The following OR51I2 variants were observed in gnomAD, a reference collection of about 807,000 sequenced individuals.
The protein encoded by OR51I2 is olfactory receptor family 51 subfamily I member 2.
In OR51I2, 6 loss-of-function variants were observed where a neutral mutation model predicts 9.3. That is an observed-to-expected ratio of 0.64 (90% CI 0.35 to 1.27). The LOEUF (loss-of-function observed/expected upper bound fraction) is 1.27. Among genes scored for constraint, OR51I2 ranks in the 50% most tolerant of loss-of-function variants. The pLI, the probability that OR51I2 is intolerant of heterozygous loss-of-function variation, is 0.03. For synonymous variants in OR51I2, 179 were observed against 143.1 expected (o/e 1.25, Z -1.79); for missense variants, 489 against 396.4 (o/e 1.23, Z -1.98).
At position 5,455,767 on chromosome 11, in the gene OR51I2, G is replaced by A. The variant is rs1850948984; in HGVS notation, c.*1340G>A. 6.6e-6 allele frequency: 1 copy of A among 152,098 alleles called. No homozygotes were observed. The highest frequency in any genetic ancestry group is 1.5e-5 in the Non-Finnish European group (1 of 68,000). 9.4% of individuals were successfully genotyped at this position (152,098 alleles called of 1,614,324 possible). A position where few individuals can be genotyped will look rare whatever the true frequency, so the allele number is the denominator to read the frequency against. Reference sequence around the variant, plus strand: ...TACCAACAAGAGAGAGAGTCAGAAAGAGGGAGCTATTTTAAAAATGAGATA... The same window carrying A: ...TACCAACAAGAGAGAGAGTCAGAAAAAGGGAGCTATTTTAAAAATGAGATA... On this transcript the variant is annotated 3_prime_UTR_variant, in exon 2 of 2. Coordinates refer to ENST00000641930, the MANE Select transcript of OR51I2 (RefSeq NM_001004754.3).
At chr11:5,450,023 TTTGC>T (rs1161488681) in intron 1 of OR51I2, among the ~76,000 whole-genome samples, 1 of 152,172 alleles carries the variant, frequency 6.6e-6, no homozygotes, top group East Asian at 1.9e-4. Flanking sequence ...ACAGGCATTC[TTTGC>T]TTGATTAAAA....
chr11:5,453,026 T>C (rs1590003667), intron 1 of OR51I2, among the ~76,000 whole-genome samples: 1 of 152,208 alleles, frequency 6.6e-6, no homozygotes. Flanking sequence ...TAATTTGTGA[T>C]ACATATGAAT....
rs1363083176 is a variant in OR51I2, at chr11:5,454,363, A to G, written c.875A>G (p.Tyr292Cys). The G allele has an allele frequency of 6.2e-7, 1 of 1,613,790 alleles. No individual in the cohort carries two copies. The highest frequency in any genetic ancestry group is 1.3e-5 in the African/African-American group (1 of 74,900). Residue 292 changes from tyrosine to cysteine, a missense_variant, in exon 2 of 2, where the codon TAT becomes TGT. Physicochemically the swap from Tyr to Cys is radical, Grantham distance 194. Transcript: ENST00000641930. ...FVPPVLNPLI[Y>C]SAKTKEIRRA... is the part of the protein sequence containing the mutation. ...CCTCCTGTGCTCAACCCTCTCATTT[A>G]TAGCGCCAAGACAAAGGAAATCCGC...
rs142517826 is a variant in OR51I2, at chr11:5,450,883, T to C, written c.-231+1519T>C. On this transcript the variant is annotated intron_variant, in intron 1 of 1. Coordinates refer to ENST00000641930, the MANE Select transcript of OR51I2 (RefSeq NM_001004754.3). Reference sequence around the variant, plus strand: ...TGGCTTCCAGCCTCATCCATGTCCCTGCAAAGGACATGACCTGCATGCTCT... The same window carrying C: ...TGGCTTCCAGCCTCATCCATGTCCCCGCAAAGGACATGACCTGCATGCTCT... Among the ~76,000 whole-genome samples the C allele has an allele frequency of 4.0e-3, 614 of 152,110 alleles. 2 individuals are homozygous for C. The highest frequency in any genetic ancestry group is 7.3e-3 in the Non-Finnish European group (494 of 67,986).
rs1850924299 is a variant in OR51I2, at chr11:5,454,588, T to A, written c.*161T>A. Reference sequence around the variant, plus strand: ...ATAACACAAAACAAGGAGTTCCAAATGAATAGTACATTCACTAAATACCAA... The same window carrying A: ...ATAACACAAAACAAGGAGTTCCAAAAGAATAGTACATTCACTAAATACCAA... On this transcript the variant is annotated 3_prime_UTR_variant, in exon 2 of 2. Transcript: ENST00000641930. 5.1e-6 allele frequency: 3 copies of A among 589,972 alleles called. No individual in the cohort carries two copies. Among genetic ancestry groups the A allele is most frequent in the Non-Finnish European group, 8.9e-6 (3 of 337,036 alleles). The allele number at this position is 589,972 out of a possible 1,614,324, so 36.5% of individuals were successfully genotyped here.
chr11:5,454,425 T>C lies in OR51I2; in HGVS notation c.937T>C (p.Ter313ArgextTer18), dbSNP rs1418822104. ...CCGCATGTTTCACCACATCAAAATA[T>C]GACTTTCACACTTGGCTTTAGAATC... ...IFRMFHHIKI[*>R] The change falls in exon 2 of 2, where the codon TGA (stop) becomes CGA (arginine). Residue 313 changes from the stop codon to arginine (R), a stop_lost. Coordinates refer to ENST00000641930, the MANE Select transcript of OR51I2 (RefSeq NM_001004754.3). 9 of 1,601,664 alleles carry C rather than the reference T, an allele frequency of 5.6e-6. No individual in the cohort carries two copies. The highest frequency in any genetic ancestry group is 1.1e-5 in the South Asian group (1 of 90,404).
At chr11:5,449,507 T>C (rs1023807423) in intron 1 of OR51I2, 143 bp downstream of exon 1, 5 of 152,444 alleles carry the variant, frequency 3.3e-5, no homozygotes, top group Non-Finnish European at 1.5e-5. Context: ...CTTAGTAGAA[T>C]GAGCAAAGGA....
chr11:5,449,637 T>TTCAAAGG (rs1264886188), intron 1 of OR51I2, among the ~76,000 whole-genome samples: 26 of 152,270 alleles, frequency 1.7e-4, no homozygotes, highest in African/African-American at 6.3e-4. Flanking sequence ...GACTCCAAGT[T>TTCAAAGG]TCAAAGGTCA....
chr11:5,452,593 A>G (rs1850873533), intron 1 of OR51I2, among the ~76,000 whole-genome samples: 1 of 148,070 alleles, frequency 6.8e-6, no homozygotes, highest in Admixed American at 6.8e-5. Flanking sequence ...CGACTTTACG[A>G]GATATGGAGA....
At position 5,454,289 on chromosome 11, in the gene OR51I2, T is replaced by A. The variant is rs900376503; in HGVS notation, c.801T>A (p.His267Gln). The A allele has an allele frequency of 6.2e-7, 1 of 1,614,110 alleles. No homozygotes were observed. Among genetic ancestry groups the A allele is most frequent in the Non-Finnish European group, 8.5e-7 (1 of 1,180,026 alleles). The stretch of plus-strand genomic sequence containing the variant: ...CCACAGTGCACCGCTTTGGGAAGCA[T>A]GTCCCATGCTACATACATGTCCTCA... Reference protein sequence around the residue: ...GVSTVHRFGKHVPCYIHVLMS... With the variant: ...GVSTVHRFGKQVPCYIHVLMS... The change falls in exon 2 of 2, where the codon CAT (histidine) becomes CAA (glutamine). Residue 267 changes from histidine to glutamine, a missense_variant. By Grantham distance (24) the His-to-Gln change is conservative. Coordinates refer to ENST00000641930, the MANE Select transcript of OR51I2 (RefSeq NM_001004754.3).
At chr11:5,449,722 G>A (rs1446733093) in intron 1 of OR51I2, among the ~76,000 whole-genome samples, 1 of 152,160 alleles carries the variant, frequency 6.6e-6, no homozygotes, top group Non-Finnish European at 1.5e-5. Context: ...AACGGTTCGG[G>A]AATCTAGAAG....
chr11:5,450,316 G>C (rs972115563), intron 1 of OR51I2, among the ~76,000 whole-genome samples: 2 of 152,142 alleles, frequency 1.3e-5, no homozygotes, highest in Non-Finnish European at 2.9e-5. Context: ...CTGAACCTGG[G>C]AGACAGAGGT....
At position 5,453,881 on chromosome 11, in the gene OR51I2, C is replaced by T. The variant is rs1850901959; in HGVS notation, c.393C>T (p.Arg131=). 2 of 1,614,206 alleles carry T rather than the reference C, an allele frequency of 1.2e-6. No homozygotes were observed. The highest frequency in any genetic ancestry group is 1.3e-5 in the African/African-American group (1 of 75,046). The change falls in exon 2 of 2, where the codon CGC becomes CGT. Residue 131 remains arginine (R), a synonymous_variant. Coordinates refer to ENST00000641930, the MANE Select transcript of OR51I2 (RefSeq NM_001004754.3). ...ATGTGGCCATTTGTGACCCCTTGCG[C>T]TATGCAACTGTGCTCACCACTGAAG... The part of the protein sequence containing the change: ...DRYVAICDPL[R]YATVLTTEVI...
In OR51I2 at chr11:5,453,498, T is replaced by A; in HGVS notation, c.10T>A (p.Phe4Ile). The A allele has an allele frequency of 6.5e-7, 1 of 1,549,418 alleles. No homozygotes were observed. The highest frequency in any genetic ancestry group is 2.3e-5 in the East Asian group (1 of 44,404). MGL[F>I]NVTHPAFFLL... ...CTAAGTTTGTTTTGCTATGGGGTTG[T>A]TCAATGTCACTCACCCTGCATTCTT... is the stretch of plus-strand genomic sequence containing the variant. Residue 4 changes from phenylalanine (F) to isoleucine (I), a missense_variant, in exon 2 of 2, where the codon TTC becomes ATC. Coordinates refer to ENST00000641930, the MANE Select transcript of OR51I2 (RefSeq NM_001004754.3).
At position 5,456,307 on chromosome 11, in the gene OR51I2, A is replaced by G. The variant is rs1421151715; in HGVS notation, c.*1880A>G. On this transcript the variant is annotated 3_prime_UTR_variant, in exon 2 of 2. Transcript: ENST00000641930. Reference sequence around the variant, plus strand: ...CACCTTCCTTTTTTCAGCATTAATTAAAAGAGCTACTGATTTTCAGGTTCT... The same window carrying G: ...CACCTTCCTTTTTTCAGCATTAATTGAAAGAGCTACTGATTTTCAGGTTCT... 1 of 152,164 alleles carries G rather than the reference A, an allele frequency of 6.6e-6. No homozygotes were observed. Among genetic ancestry groups the G allele is most frequent in the Non-Finnish European group, 1.5e-5 (1 of 68,036 alleles). The allele number at this position is 152,164 out of a possible 1,614,324, so 9.4% of individuals were successfully genotyped here.
chr11:5,450,204 T>C (rs184001207), intron 1 of OR51I2, among the ~76,000 whole-genome samples: 2 of 151,868 alleles, frequency 1.3e-5, no homozygotes, highest in East Asian at 1.9e-4. Context: ...GCCTGGCCAA[T>C]ATGGTGAAAC....
intron 1 of OR51I2, among the ~76,000 whole-genome samples, chr11:5,449,664 T>C (rs558685671): frequency 1.3e-5 from 2 of 152,298 alleles, no homozygotes; most frequent in East Asian, 3.9e-4. Context: ...CTGTGGCTCA[T>C]TAACATTGCT....
In OR51I2 at chr11:5,455,522, G is replaced by C. The variant is rs1264914514; in HGVS notation, c.*1095G>C. On this transcript the variant is annotated 3_prime_UTR_variant, in exon 2 of 2. Coordinates refer to ENST00000641930, the MANE Select transcript of OR51I2 (RefSeq NM_001004754.3). ...TGTCATACTAAGTTTAGATCTACTT[G>C]TAGATCAAAAGAGAGCGAGGGATTG... The C allele has an allele frequency of 7.1e-6, 1 of 140,592 alleles. No homozygotes were observed. Among genetic ancestry groups the C allele is most frequent in the Non-Finnish European group, 1.5e-5 (1 of 65,892 alleles). 8.7% of individuals were successfully genotyped at this position (140,592 alleles called of 1,614,324 possible).
rs147318530 is a variant in OR51I2 at position 5,454,116 on chromosome 11, G to T, written c.628G>T (p.Asp210Tyr). 1.2e-6 allele frequency: 2 copies of T among 1,614,036 alleles called. No homozygotes were observed. The highest frequency in any genetic ancestry group is 1.1e-5 in the South Asian group (1 of 91,070). ...LFVLVSTFGMDLFFIFLSYVL... is the reference protein window; with the variant it reads ...LFVLVSTFGMYLFFIFLSYVL... Reference sequence around the variant, plus strand: ...TGTTCTTGTATCCACCTTTGGCATGGACCTGTTTTTTATCTTCCTCTCCTA... The same window carrying T: ...TGTTCTTGTATCCACCTTTGGCATGTACCTGTTTTTTATCTTCCTCTCCTA... Residue 210 changes from aspartate (D) to tyrosine (Y), a missense_variant, in exon 2 of 2, where the codon GAC (aspartate) becomes TAC (tyrosine). Asp to Tyr is a radical substitution (Grantham distance 160). Transcript: ENST00000641930.
Sources: allele counts gnomAD v4.1 joint callset (sites outside exome capture counted in the v4.1 genomes callset), GRCh38; gene constraint gnomAD v4.1.1; transcripts MANE v1.5; gene names NCBI Gene and HGNC (gene_info 2026-07-23, HGNC 2026-07-21).